The following PDE3A variants were observed in gnomAD, a reference collection of about 807,000 sequenced individuals.
The protein encoded by PDE3A is cGMP-inhibited 3',5'-cyclic phosphodiesterase 3A.
Under a neutral mutation model 98.3 loss-of-function variants are expected in PDE3A, and 43 were observed. That is an observed-to-expected ratio of 0.44 (90% CI 0.34 to 0.56). The LOEUF is 0.56. PDE3A is among the 20% of genes least tolerant of loss of function. The pLI, the probability that PDE3A is intolerant of heterozygous loss-of-function variation, is 0.01. For missense variants in PDE3A, 1,427 were observed against 1,440.7 expected (o/e 0.99, Z 0.15); for synonymous variants, 663 against 567.9 (o/e 1.17, Z -2.38).
At chr12:20,501,007 A>G (rs971822110) in intron 1 of PDE3A, among the ~76,000 whole-genome samples, 2 of 152,112 alleles carry the variant, frequency 1.3e-5, no homozygotes, top group Non-Finnish European at 2.9e-5. Flanking sequence ...AGCTCAAGCA[A>G]TCTGCCCACC....
chr12:20,503,720 T>G (rs1946065261), intron 1 of PDE3A, among the ~76,000 whole-genome samples: 1 of 152,122 alleles, frequency 6.6e-6, no homozygotes, highest in South Asian at 2.1e-4. Flanking sequence ...TTTCTGTGTT[T>G]GATAGTTTTG....
intron 1 of PDE3A, among the ~76,000 whole-genome samples, chr12:20,377,859 G>A (rs570467672): frequency 6.6e-6 from 1 of 151,740 alleles, no homozygotes; most frequent in East Asian, 1.9e-4. Context: ...TAGGAGTTTG[G>A]TATGTAACAG....
intron 1 of PDE3A, among the ~76,000 whole-genome samples, chr12:20,388,368 T>A (rs1266060733): frequency 1.3e-5 from 2 of 152,070 alleles, no homozygotes; most frequent in Non-Finnish European, 2.9e-5. Context: ...TTTGTAACTT[T>A]ACCTGAAGGT....
Position 20,634,938 on chromosome 12 carries a change from A to T in PDE3A, c.1883A>T (p.Asn628Ile). 1.2e-6 allele frequency: 2 copies of T among 1,610,620 alleles called. No individual in the cohort carries two copies. Among genetic ancestry groups the T allele is most frequent in the South Asian group, 1.1e-5 (1 of 91,004 alleles). The change falls in exon 8 of 16, where the codon AAT (asparagine) becomes ATT (isoleucine). Residue 628 changes from asparagine to isoleucine, a missense_variant. Asn to Ile is a moderately radical substitution (Grantham distance 149). Transcript: ENST00000359062. ...CAAGTTACCTCTGATTATGAAACCA[A>T]TAACAACAGTGACAGCAGTGACATT... ...TAQVTSDYET[N>I]NNSDSSDIVQ... is the part of the protein sequence containing the mutation.
At chr12:20,533,512 C>G (rs1941666487) in intron 1 of PDE3A, among the ~76,000 whole-genome samples, 1 of 146,704 alleles carries the variant, frequency 6.8e-6, no homozygotes, top group African/African-American at 2.5e-5. Flanking sequence ...GACGTGGTCT[C>G]GTCCTGTCAC....
rs200003832 is a variant in PDE3A at position 20,637,147 on chromosome 12, C to T, written c.2049C>T (p.Asp683=). 2.5e-4 allele frequency: 405 copies of T among 1,609,666 alleles called. No individual in the cohort carries two copies. The highest frequency in any genetic ancestry group is 3.3e-4 in the Non-Finnish European group (389 of 1,177,160). ...APEPLVMDNL[D]SIMEQLNTWN... is the part of the protein sequence containing the mutation. ...AACCTCTTGTCATGGATAACCTGGA[C>T]TCAATTATGGAGCAGCTAAATACTT... The change falls in exon 9 of 16, where the codon GAC becomes GAT. Residue 683 remains aspartate, a synonymous_variant. Coordinates refer to ENST00000359062, the MANE Select transcript of PDE3A (RefSeq NM_000921.5).
intron 15 of PDE3A, among the ~76,000 whole-genome samples, chr12:20,660,645 A>T (rs1021894043): frequency 1.3e-5 from 2 of 152,140 alleles, no homozygotes; most frequent in East Asian, 3.9e-4. Flanking sequence ...CACAAGATCT[A>T]ATGGTTTTAA....
At chr12:20,466,677 G>A (rs1490183008) in intron 1 of PDE3A, among the ~76,000 whole-genome samples, 1 of 152,136 alleles carries the variant, frequency 6.6e-6, no homozygotes, top group African/African-American at 2.4e-5. Context: ...AGTAGTTGCT[G>A]TTCTAGAGAA....
At chr12:20,466,470 C>G (rs558829381) in intron 1 of PDE3A, among the ~76,000 whole-genome samples, 1 of 151,626 alleles carries the variant, frequency 6.6e-6, no homozygotes, top group African/African-American at 2.4e-5. Context: ...TAACAGGGTG[C>G]GCTGAGTTGT....
intron 1 of PDE3A, among the ~76,000 whole-genome samples, chr12:20,462,144 T>C (rs554599634): frequency 1.3e-5 from 2 of 152,266 alleles, no homozygotes; most frequent in East Asian, 3.9e-4. Flanking sequence ...CATTGACAAG[T>C]AATTAGCCCC....
At chr12:20,466,686 A>T (rs11045266) in intron 1 of PDE3A, among the ~76,000 whole-genome samples, 4 of 152,138 alleles carry the variant, frequency 2.6e-5, no homozygotes, top group African/African-American at 9.6e-5. Context: ...TGTTCTAGAG[A>T]AATCTAATGT....
chr12:20,369,743 C>A lies in PDE3A; in HGVS notation c.459C>A (p.Ala153=). 6.2e-7 allele frequency: 1 copy of A among 1,612,188 alleles called. No homozygotes were observed. Among genetic ancestry groups the A allele is most frequent in the South Asian group, 1.1e-5 (1 of 91,042 alleles). Residue 153 remains alanine (A), a synonymous_variant, in exon 1 of 16, where the codon GCC becomes GCA. Transcript: ENST00000359062. ...GGATGGGCTTGTACCTCCTGCGCGC[C>A]GGGGTGCGCCTGCCTCTGGCTGTCG... The part of the protein sequence containing the change: ...FFWMGLYLLR[A]GVRLPLAVAL...
intron 1 of PDE3A, among the ~76,000 whole-genome samples, chr12:20,403,672 G>A (rs1273323189): frequency 1.3e-5 from 2 of 152,114 alleles, no homozygotes; most frequent in African/African-American, 2.4e-5. Context: ...TGATGAAAAA[G>A]GAGAATTTAG....
At chr12:20,553,369 C>T (rs569448493) in intron 1 of PDE3A, among the ~76,000 whole-genome samples, 106 of 109,728 alleles carry the variant, frequency 9.7e-4, no homozygotes, top group African/African-American at 3.5e-3. Flanking sequence ...GTTGCTGCCA[C>T]CAACTCTTTA....
At chr12:20,452,544 T>A (rs1163346224) in intron 1 of PDE3A, among the ~76,000 whole-genome samples, 1 of 152,236 alleles carries the variant, frequency 6.6e-6, no homozygotes, top group Non-Finnish European at 1.5e-5. Flanking sequence ...GTTTGGGAAA[T>A]GCTAGTTACG....
intron 2 of PDE3A, among the ~76,000 whole-genome samples, chr12:20,580,875 T>G (rs1220878046): frequency 6.6e-6 from 1 of 152,166 alleles, no homozygotes; most frequent in African/African-American, 2.4e-5. Context: ...TGGTATAAAT[T>G]AACCTCTTGA....
chr12:20,438,398 G>A (rs7134150), intron 1 of PDE3A, among the ~76,000 whole-genome samples: 16,595 of 152,150 alleles, frequency 0.11, 1,184 homozygotes, highest in African/African-American at 0.18. Context: ...ACATTTCTCA[G>A]CATTCCAAGG....
intron 2 of PDE3A, among the ~76,000 whole-genome samples, chr12:20,606,042 A>G (rs1943703252): frequency 6.6e-6 from 1 of 151,984 alleles, no homozygotes; most frequent in South Asian, 2.1e-4. Flanking sequence ...AAGCAAATTT[A>G]TCAAGAATTG....
At chr12:20,599,223 C>G (rs552736417) in intron 2 of PDE3A, among the ~76,000 whole-genome samples, 11 of 152,130 alleles carry the variant, frequency 7.2e-5, no homozygotes, top group African/African-American at 2.4e-4. Context: ...CTCTGCCCCC[C>G]ACTTACTCTC....
Sources: allele counts gnomAD v4.1 joint callset (sites outside exome capture counted in the v4.1 genomes callset), GRCh38; gene constraint gnomAD v4.1.1; transcripts MANE v1.5; gene names NCBI Gene and HGNC (gene_info 2026-07-23, HGNC 2026-07-21).